The following SPIDR variants were observed in gnomAD, a reference collection of about 807,000 sequenced individuals.
The protein encoded by SPIDR is scaffold protein involved in DNA repair, also known as DNA repair-scaffolding protein.
In SPIDR, 93 loss-of-function variants were observed where a neutral mutation model predicts 104.6. That is an observed-to-expected ratio of 0.89 (90% CI 0.75 to 1.06). The LOEUF (loss-of-function observed/expected upper bound fraction) is 1.06. Ranked by LOEUF, SPIDR falls within the 50% of genes least tolerant of loss-of-function variation. The pLI is 0.00. For synonymous variants in SPIDR, 431 were observed against 416.9 expected (o/e 1.03, Z -0.41); for missense variants, 1,154 against 1,111.2 (o/e 1.04, Z -0.55).
chr8:47,508,508 A>C (rs894756142), intron 8 of SPIDR, among the ~76,000 whole-genome samples: 1 of 152,106 alleles, frequency 6.6e-6, no homozygotes, highest in Admixed American at 6.6e-5. Context: ...ACCACCCTGA[A>C]CCTTTCAAAT....
chr8:47,504,881 G>A (rs1287601893), intron 8 of SPIDR, among the ~76,000 whole-genome samples: 1 of 152,214 alleles, frequency 6.6e-6, no homozygotes, highest in Non-Finnish European at 1.5e-5. Context: ...GTCTGTTGGA[G>A]TTTGCCGGAG....
At chr8:47,583,305 CAA>C (rs34756645) in intron 8 of SPIDR, among the ~76,000 whole-genome samples, 8 of 111,118 alleles carry the variant, frequency 7.2e-5, no homozygotes, top group Admixed American at 9.8e-5. Context: ...GACTCCATCT[CAA>C]AAAAAAAAAA....
chr8:47,615,504 A>G (rs1177072475), intron 10 of SPIDR, among the ~76,000 whole-genome samples: 4 of 118,958 alleles, frequency 3.4e-5, no homozygotes, highest in African/African-American at 1.0e-4. Context: ...CCAGAGTCTC[A>G]CTCTGTCGCA....
intron 8 of SPIDR, among the ~76,000 whole-genome samples, chr8:47,557,205 A>G (rs1367888673): frequency 2.0e-5 from 3 of 152,202 alleles, no homozygotes; most frequent in Non-Finnish European, 2.9e-5. Context: ...AGTCAAGTTC[A>G]GATACTGTGG....
chr8:47,401,659 CA>C (rs1190346533), intron 6 of SPIDR, among the ~76,000 whole-genome samples: 4 of 149,508 alleles, frequency 2.7e-5, no homozygotes, highest in Non-Finnish European at 4.5e-5. Context: ...AAATGGAAAA[CA>C]AAAAAAAAGC....
intron 5 of SPIDR, among the ~76,000 whole-genome samples, chr8:47,384,441 T>TTTTTAGTAC (rs2059656982): frequency 1.3e-5 from 2 of 152,178 alleles, no homozygotes; most frequent in Non-Finnish European, 2.9e-5. Context: ...TACTTTTTCT[T>TTTTTAGTAC]TTTTTTAGTA....
At chr8:47,384,503 T>C (rs2059664714) in intron 5 of SPIDR, among the ~76,000 whole-genome samples, 1 of 152,234 alleles carries the variant, frequency 6.6e-6, no homozygotes, top group Non-Finnish European at 1.5e-5. Context: ...AGTGCCCTTA[T>C]ACCATGTTTA....
At chr8:47,295,502 A>C (rs1034843564) in intron 5 of SPIDR, among the ~76,000 whole-genome samples, 2 of 152,186 alleles carry the variant, frequency 1.3e-5, no homozygotes, top group South Asian at 4.1e-4. Context: ...ATTCTACCAC[A>C]ATTCTGTGAG....
chr8:47,519,497 T>A (rs1337315273), intron 8 of SPIDR, among the ~76,000 whole-genome samples: 3 of 152,146 alleles, frequency 2.0e-5, no homozygotes, highest in South Asian at 4.1e-4. Context: ...ATGGCTTTGG[T>A]CAAGCGCAGT....
At chr8:47,599,672 G>C (rs2062030767) in intron 10 of SPIDR, among the ~76,000 whole-genome samples, 1 of 152,218 alleles carries the variant, frequency 6.6e-6, no homozygotes, top group African/African-American at 2.4e-5. Flanking sequence ...AATGTCGTCT[G>C]TCTGCACCAT....
At chr8:47,513,116 A>G (rs926154700) in intron 8 of SPIDR, among the ~76,000 whole-genome samples, 2 of 152,236 alleles carry the variant, frequency 1.3e-5, no homozygotes, top group Non-Finnish European at 2.9e-5. Context: ...GTGCTGTTCA[A>G]ACAAATTTAA....
chr8:47,646,787 A>G (rs1356862866), intron 10 of SPIDR, among the ~76,000 whole-genome samples: 1 of 152,178 alleles, frequency 6.6e-6, no homozygotes, highest in Non-Finnish European at 1.5e-5. Context: ...AGCTGGACAG[A>G]GGGAAATTTG....
chr8:47,427,829 TG>T (rs2066674177), intron 7 of SPIDR, among the ~76,000 whole-genome samples: 1 of 152,164 alleles, frequency 6.6e-6, no homozygotes, highest in Non-Finnish European at 1.5e-5. Flanking sequence ...CCTCTGAGGC[TG>T]GGGGCCCCTG....
intron 8 of SPIDR, among the ~76,000 whole-genome samples, chr8:47,457,753 A>G (rs2073236068): frequency 6.6e-6 from 1 of 152,056 alleles, no homozygotes; most frequent in Non-Finnish European, 1.5e-5. Flanking sequence ...ATCCATCTTG[A>G]GTTGATTTTT....
At chr8:47,396,261 G>T in intron 5 of SPIDR, 115 bp from the exon 6 acceptor site, 1 of 877,264 alleles carries the variant, frequency 1.1e-6, no homozygotes, top group Admixed American at 2.8e-5. Context: ...TATTCAAAAA[G>T]GTCCTTCAAG....
intron 10 of SPIDR, among the ~76,000 whole-genome samples, chr8:47,632,639 C>T (rs2067251212): frequency 6.6e-6 from 1 of 152,186 alleles, no homozygotes; most frequent in Admixed American, 6.5e-5. Flanking sequence ...CACTGCACAG[C>T]ATTTCAGTTT....
chr8:47,553,177 C>T (rs1033452526), intron 8 of SPIDR, among the ~76,000 whole-genome samples: 2 of 152,196 alleles, frequency 1.3e-5, no homozygotes, highest in Non-Finnish European at 2.9e-5. Flanking sequence ...CGACCTTTCT[C>T]TCTGGCTGCC....
At chr8:47,529,856 A>G (rs2085641595) in intron 8 of SPIDR, among the ~76,000 whole-genome samples, 1 of 152,240 alleles carries the variant, frequency 6.6e-6, no homozygotes, top group Non-Finnish European at 1.5e-5. Flanking sequence ...CCACCCATGG[A>G]GTTGCATAGT....
chr8:47,285,408 T>G (rs2038644844), intron 3 of SPIDR, among the ~76,000 whole-genome samples: 1 of 152,254 alleles, frequency 6.6e-6, no homozygotes, highest in South Asian at 2.1e-4. Context: ...CAGAAGCTGT[T>G]GGCAGAGACA....
Sources: allele counts gnomAD v4.1 joint callset (sites outside exome capture counted in the v4.1 genomes callset), GRCh38; gene constraint gnomAD v4.1.1; transcripts MANE v1.5; gene names NCBI Gene and HGNC (gene_info 2026-07-23, HGNC 2026-07-21).